Variants in LSAMP observed in about 807,000 individuals in gnomAD.
The protein encoded by LSAMP is limbic system-associated membrane protein.
LSAMP carries 7 observed loss-of-function variants against 38.6 expected under a neutral mutation model. That is an observed-to-expected ratio of 0.18 (90% CI 0.10 to 0.34). The LOEUF (loss-of-function observed/expected upper bound fraction) is 0.34. Ranked by LOEUF, LSAMP falls within the 10% of genes least tolerant of loss-of-function variation. The pLI is 1.00. For missense variants in LSAMP, 313 were observed against 420.0 expected (o/e 0.75, Z 2.23); for synonymous variants, 154 against 166.8 (o/e 0.92, Z 0.59).
intron 3 of LSAMP, among the ~76,000 whole-genome samples, chr3:115,869,192 C>T (rs934676645): frequency 3.3e-5 from 5 of 151,436 alleles, no homozygotes; most frequent in African/African-American, 1.2e-4. Context: ...CTTTGATAGC[C>T]ATAAACAAAA....
At chr3:116,138,621 C>T (rs567240064) in intron 1 of LSAMP, among the ~76,000 whole-genome samples, 5 of 152,070 alleles carry the variant, frequency 3.3e-5, no homozygotes, top group African/African-American at 1.2e-4. Flanking sequence ...CTGTGGGTTC[C>T]AGTCTGGAGG....
At chr3:115,896,431 T>C (rs996266253) in intron 3 of LSAMP, among the ~76,000 whole-genome samples, 2 of 152,100 alleles carry the variant, frequency 1.3e-5, no homozygotes, top group Non-Finnish European at 2.9e-5. Context: ...TGAGGTGTAA[T>C]ATACTCCTTG....
chr3:115,963,222 CAT>C (rs999751727), intron 3 of LSAMP, among the ~76,000 whole-genome samples: 2 of 152,186 alleles, frequency 1.3e-5, no homozygotes. Context: ...AATTTTAACA[CAT>C]GTACCATAAT....
intron 1 of LSAMP, among the ~76,000 whole-genome samples, chr3:116,359,677 C>T (rs1406163784): frequency 2.0e-5 from 3 of 151,972 alleles, no homozygotes; most frequent in African/African-American, 7.3e-5. Flanking sequence ...TGGTGGTTTG[C>T]TACACAGATC....
chr3:116,038,544 G>A (rs570042626), intron 2 of LSAMP, among the ~76,000 whole-genome samples: 14 of 152,266 alleles, frequency 9.2e-5, no homozygotes, highest in South Asian at 8.3e-4. Flanking sequence ...TTCTTGAACC[G>A]TGGAATGCCT....
intron 3 of LSAMP, among the ~76,000 whole-genome samples, chr3:115,912,428 G>A (rs545730142): frequency 1.4e-3 from 218 of 152,314 alleles, no homozygotes; most frequent in Non-Finnish European, 2.4e-3. Flanking sequence ...GGGACCCCTT[G>A]TTACTCTTGG....
intron 1 of LSAMP, among the ~76,000 whole-genome samples, chr3:116,403,183 G>A (rs1029118286): frequency 2.0e-5 from 3 of 152,164 alleles, no homozygotes; most frequent in Non-Finnish European, 4.4e-5. Flanking sequence ...AGTTATGCTG[G>A]AACAAGAAGT....
intron 2 of LSAMP, among the ~76,000 whole-genome samples, chr3:116,055,782 T>G (rs183551237): frequency 2.6e-5 from 4 of 152,346 alleles, no homozygotes; most frequent in Admixed American, 2.6e-4. Context: ...TCTTTGTAAA[T>G]CACTTATATA....
chr3:115,810,513 A>G (rs2289269), intron 6 of LSAMP, 99 bp from the exon 7 acceptor site: 205,890 of 796,960 alleles, frequency 0.26, 27,803 homozygotes, highest in African/African-American at 0.31. Flanking sequence ...AGACCTGGCC[A>G]GGTACTAGCA....
intron 6 of LSAMP, among the ~76,000 whole-genome samples, chr3:115,817,528 C>T (rs577834373): frequency 6.6e-6 from 1 of 152,080 alleles, no homozygotes; most frequent in Non-Finnish European, 1.5e-5. Context: ...CTTTTAAGTA[C>T]CTTTGTCAAG....
intron 1 of LSAMP, among the ~76,000 whole-genome samples, chr3:116,262,067 CCTT>C (rs1236864403): frequency 6.6e-6 from 1 of 151,850 alleles, no homozygotes; most frequent in Non-Finnish European, 1.5e-5. Flanking sequence ...TAATGGAGCC[CCTT>C]CTTTACCATT....
intron 1 of LSAMP, among the ~76,000 whole-genome samples, chr3:116,426,494 A>G (rs1694433857): frequency 6.6e-6 from 1 of 150,712 alleles, no homozygotes; most frequent in Admixed American, 6.6e-5. Flanking sequence ...AACTCAACAC[A>G]TGAAAAGACC....
intron 1 of LSAMP, among the ~76,000 whole-genome samples, chr3:116,227,675 T>C (rs2046357476): frequency 1.3e-5 from 2 of 152,124 alleles, no homozygotes; most frequent in Non-Finnish European, 2.9e-5. Context: ...TTCCTTTTTT[T>C]TCCCTCCCCT....
intron 2 of LSAMP, among the ~76,000 whole-genome samples, chr3:116,069,997 G>C (rs1707562090): frequency 1.3e-5 from 2 of 151,966 alleles, no homozygotes. Flanking sequence ...GAAACATATA[G>C]GAATATGAAG....
chr3:116,258,722 A>G (rs549504483), intron 1 of LSAMP, among the ~76,000 whole-genome samples: 137 of 152,258 alleles, frequency 9.0e-4, no homozygotes, highest in African/African-American at 3.2e-3. Context: ...TGCTTCCTGA[A>G]GGTGAACACA....
At position 116,383,508 on chromosome 3, in the gene LSAMP, C is replaced by T. The variant is rs564055515; in HGVS notation, c.155+61369G>A. 9.2e-5 allele frequency among the ~76,000 whole-genome samples: 14 copies of T among 152,186 alleles called. No homozygotes were observed. In the East Asian group the frequency reaches 2.7e-3, roughly 29 times the overall value. ...CTTTGTTACTATAAGGATAAAATGC[C>T]TTGCTCTGACAGTAGTGGACCAGGA... On this transcript the variant is annotated intron_variant, in intron 1 of 6. Coordinates refer to ENST00000490035, the MANE Select transcript of LSAMP (RefSeq NM_002338.5).
chr3:116,351,902 T>A (rs1005881627), intron 1 of LSAMP, among the ~76,000 whole-genome samples: 3 of 152,110 alleles, frequency 2.0e-5, no homozygotes, highest in African/African-American at 7.2e-5. Flanking sequence ...ACTAACTCCT[T>A]ATTTCAATGT....
chr3:116,105,246 TTCTTTGAGAC>T (rs1708437796), intron 1 of LSAMP, among the ~76,000 whole-genome samples: 3 of 151,402 alleles, frequency 2.0e-5, no homozygotes, highest in African/African-American at 7.3e-5. Context: ...TGCCAGGCAA[TTCTTTGAGAC>T]TCTGTTCTAG....
At chr3:116,259,336 T>A (rs967529460) in intron 1 of LSAMP, among the ~76,000 whole-genome samples, 9 of 152,138 alleles carry the variant, frequency 5.9e-5, no homozygotes, top group Non-Finnish European at 1.3e-4. Flanking sequence ...ATATAAAATA[T>A]GGTTTGTTTG....
Sources: allele counts gnomAD v4.1 joint callset (sites outside exome capture counted in the v4.1 genomes callset), GRCh38; gene constraint gnomAD v4.1.1; transcripts MANE v1.5; gene names NCBI Gene and HGNC (gene_info 2026-07-23, HGNC 2026-07-21).